SYT11: variants seen among roughly 807,000 people sequenced by gnomAD.
SYT11 encodes synaptotagmin-11.
In SYT11, 12 loss-of-function variants were observed where a neutral mutation model predicts 30.4. That is an observed-to-expected ratio of 0.39 (90% CI 0.25 to 0.64). The LOEUF is 0.64. Among genes scored for constraint, SYT11 ranks in the 30% least tolerant of loss-of-function variants. SYT11 has a pLI of 0.45. For missense variants in SYT11, 412 were observed against 552.0 expected (o/e 0.75, Z 2.54); for synonymous variants, 204 against 216.0 (o/e 0.94, Z 0.49).
At chr1:155,872,677 T>C (rs1346018743) in intron 2 of SYT11, among the ~76,000 whole-genome samples, 2 of 152,176 alleles carry the variant, frequency 1.3e-5, no homozygotes, top group Non-Finnish European at 2.9e-5. Flanking sequence ...GCTCACAGCC[T>C]TCAATGGCTC....
intron 2 of SYT11, among the ~76,000 whole-genome samples, chr1:155,871,392 C>A (rs551541909): frequency 1.3e-5 from 2 of 152,208 alleles, no homozygotes; most frequent in Non-Finnish European, 2.9e-5. Flanking sequence ...TTCCAATACA[C>A]CCTTCCCTGT....
In SYT11 at chr1:155,868,708, G is replaced by A. The variant is rs746939757; in HGVS notation, c.778G>A (p.Glu260Lys). Residue 260 changes from glutamate (E) to lysine (K), a missense_variant, in exon 2 of 4, where the codon GAG becomes AAG. Physicochemically the swap from Glu to Lys is moderately conservative, Grantham distance 56. Coordinates refer to ENST00000368324, the MANE Select transcript of SYT11 (RefSeq NM_152280.5). This position sits in a 1 kb window ranked among gnomAD's most constrained non-coding sequence, Gnocchi z 4.7. ...CTTCTCTCGGGATGATGTCATTGGC[G>A]AGGTCATGGTGCCACTGGCAGGGGT... ...DRFSRDDVIG[E>K]VMVPLAGVDP... 1.9e-6 allele frequency: 3 copies of A among 1,614,194 alleles called. No individual in the cohort carries two copies. Among genetic ancestry groups the A allele is most frequent in the Admixed American group, 1.7e-5 (1 of 60,016 alleles).
intron 2 of SYT11, among the ~76,000 whole-genome samples, chr1:155,873,382 C>T (rs1672808987): frequency 6.6e-6 from 1 of 152,096 alleles, no homozygotes; most frequent in African/African-American, 2.4e-5. Context: ...GCCAAGATCA[C>T]GCCACTGCAC....
intron 2 of SYT11, among the ~76,000 whole-genome samples, chr1:155,879,273 C>T (rs1231948917): frequency 4.6e-5 from 7 of 151,940 alleles, no homozygotes; most frequent in Non-Finnish European, 1.0e-4. Flanking sequence ...AAAAATTAGC[C>T]GGGCATGGTG....
intron 2 of SYT11, among the ~76,000 whole-genome samples, chr1:155,875,031 G>C (rs1277685403): frequency 6.7e-6 from 1 of 150,110 alleles, no homozygotes; most frequent in Non-Finnish European, 1.5e-5. Flanking sequence ...GAGGCAGGCA[G>C]ATCATGAGGT....
At chr1:155,871,977 A>G (rs751078389) in intron 2 of SYT11, among the ~76,000 whole-genome samples, 2 of 152,098 alleles carry the variant, frequency 1.3e-5, no homozygotes, top group African/African-American at 4.8e-5. Flanking sequence ...ACCATGCCAC[A>G]CTGGCTGTAA....
At chr1:155,877,216 C>T (rs1672878943) in intron 2 of SYT11, among the ~76,000 whole-genome samples, 1 of 152,070 alleles carries the variant, frequency 6.6e-6, no homozygotes, top group Non-Finnish European at 1.5e-5. Context: ...GATCCGCCCA[C>T]CTCAGCCTCC....
intron 2 of SYT11, among the ~76,000 whole-genome samples, chr1:155,870,425 A>G (rs1191588907): frequency 2.0e-5 from 3 of 152,208 alleles, no homozygotes; most frequent in African/African-American, 4.8e-5. Flanking sequence ...TGGGTGATGC[A>G]TGTGGTTTGT....
rs1672515705 is a variant in SYT11 at position 155,859,696 on chromosome 1, G to A, written c.-66G>A. The A allele has an allele frequency of 2.0e-6, 3 of 1,506,026 alleles. No individual in the cohort carries two copies. Among genetic ancestry groups the A allele is most frequent in the Non-Finnish European group, 1.8e-6 (2 of 1,081,820 alleles). 93.3% of individuals were successfully genotyped at this position (1,506,026 alleles called of 1,614,324 possible). On this transcript the variant is annotated 5_prime_UTR_variant, in exon 1 of 4. Coordinates refer to ENST00000368324, the MANE Select transcript of SYT11 (RefSeq NM_152280.5). ...GCTCTACAGCTGCTGCCTCGGTACT[G>A]ACCGAGGGTTCCCAGAGCTGTCTCA... is the stretch of plus-strand genomic sequence containing the variant.
intron 1 of SYT11, 46 bp downstream of exon 1, chr1:155,859,841 G>T (rs1334045815): frequency 6.3e-7 from 1 of 1,586,530 alleles, no homozygotes; most frequent in Middle Eastern, 1.7e-4. Context: ...CAGAATGGTT[G>T]CAAGGCCAAG....
Position 155,881,500 on chromosome 1 carries a change from G to A in SYT11, c.1288G>A (p.Glu430Lys), listed in dbSNP as rs1672961753. Residue 430 changes from glutamate (E) to lysine (K), a missense_variant, in exon 4 of 4, where the codon GAG (glutamate) becomes AAG (lysine). Physicochemically the swap from Glu to Lys is moderately conservative, Grantham distance 56. Coordinates refer to ENST00000368324, the MANE Select transcript of SYT11 (RefSeq NM_152280.5). The stretch of plus-strand genomic sequence containing the variant: ...TGTGGCCAAGTGGCACAGTCTGAGC[G>A]AGTACTAATCCTGTTCTTCTCTCCT... ...KPVAKWHSLS[E>K]Y 2 of 1,605,108 alleles carry A rather than the reference G, an allele frequency of 1.2e-6. No individual in the cohort carries two copies. The highest frequency in any genetic ancestry group is 1.7e-6 in the Non-Finnish European group (2 of 1,173,434).
intron 2 of SYT11, 47 bp from the exon 3 acceptor site, chr1:155,880,453 C>T: frequency 6.2e-7 from 1 of 1,608,014 alleles, no homozygotes; most frequent in Non-Finnish European, 8.5e-7. Flanking sequence ...TTGTGCTCTG[C>T]CCTGCACCCT....
At chr1:155,871,998 C>G (rs1672787782) in intron 2 of SYT11, among the ~76,000 whole-genome samples, 1 of 152,026 alleles carries the variant, frequency 6.6e-6, no homozygotes, top group African/African-American at 2.4e-5. Context: ...AGGGCTTTTT[C>G]CTGGTCTGGA....
chr1:155,870,245 C>G (rs1385095099), intron 2 of SYT11, among the ~76,000 whole-genome samples: 1 of 152,154 alleles, frequency 6.6e-6, no homozygotes, highest in Non-Finnish European at 1.5e-5. Flanking sequence ...AATCCAAATT[C>G]CACCAGCTAA....
intron 1 of SYT11, among the ~76,000 whole-genome samples, chr1:155,867,133 C>G (rs1672695095): frequency 6.6e-6 from 1 of 151,888 alleles, no homozygotes; most frequent in Non-Finnish European, 1.5e-5. Context: ...TCTCAGCTCA[C>G]TGCAACCTCT....
Position 155,860,037 on chromosome 1 carries a change from T to TAAA in SYT11, c.34+244_34+246dup, listed in dbSNP as rs895873101. The stretch of plus-strand genomic sequence containing the variant: ...CCGAGGGTGGGGAAGTCCAGGATGC[T>TAAA]AAAACCTTGTATGGTGCACTGTCAG... On this transcript the variant is annotated intron_variant, in intron 1 of 3. Coordinates refer to ENST00000368324, the MANE Select transcript of SYT11 (RefSeq NM_152280.5). The surrounding 1 kb of genome is among the most constrained non-coding windows in gnomAD (Gnocchi z 4.1). Among the ~76,000 whole-genome samples the TAAA allele has an allele frequency of 6.6e-6, 1 of 152,208 alleles. No individual in the cohort carries two copies. Among genetic ancestry groups the TAAA allele is most frequent in the African/African-American group, 2.4e-5 (1 of 41,456 alleles).
At chr1:155,874,912 T>C (rs1442684757) in intron 2 of SYT11, among the ~76,000 whole-genome samples, 3 of 143,678 alleles carry the variant, frequency 2.1e-5, no homozygotes, top group Non-Finnish European at 4.6e-5. Context: ...ATAAAAATAA[T>C]AAAAATAAAA....
intron 1 of SYT11, among the ~76,000 whole-genome samples, chr1:155,867,631 C>T (rs144245861): frequency 5.0e-4 from 76 of 152,170 alleles, no homozygotes; most frequent in African/African-American, 1.7e-3. Flanking sequence ...TCTTAGAACA[C>T]GTACAGAGCA....
intron 1 of SYT11, among the ~76,000 whole-genome samples, chr1:155,863,882 T>C (rs547698906): frequency 6.0e-5 from 9 of 149,594 alleles, no homozygotes; most frequent in African/African-American, 2.2e-4. Flanking sequence ...GATCGCGCCA[T>C]TGCACTCAAG....
Sources: allele counts gnomAD v4.1 joint callset (sites outside exome capture counted in the v4.1 genomes callset), GRCh38; gene constraint gnomAD v4.1.1; non-coding constraint Gnocchi (gnomAD v3.1); transcripts MANE v1.5; gene names NCBI Gene and HGNC (gene_info 2026-07-23, HGNC 2026-07-21).